Variants in CYGB observed in about 807,000 individuals in gnomAD.
The protein encoded by CYGB is histoglobin.
Under a neutral mutation model 20.7 loss-of-function variants are expected in CYGB, and 13 were observed. That is an observed-to-expected ratio of 0.63 (90% CI 0.41 to 1.00). The LOEUF is 1.00. CYGB is among the 50% of genes least tolerant of loss of function. CYGB has a pLI of 0.00. For synonymous variants in CYGB, 93 were observed against 107.4 expected (o/e 0.87, Z 0.83); for missense variants, 218 against 257.2 (o/e 0.85, Z 1.04).
At position 76,531,767 on chromosome 17, in the gene CYGB, G is replaced by A; in HGVS notation, c.144-76C>T. On this transcript the variant is annotated intron_variant, in intron 1 of 3. Coordinates refer to ENST00000293230, the MANE Select transcript of CYGB (RefSeq NM_134268.5). This position sits in a 1 kb window ranked among gnomAD's most constrained non-coding sequence, Gnocchi z 7.4. ...CACCCTGAAGCTTCCAGGATAGTGG[G>A]GGCTGAAGAAGTGGACCGCAGTGCT... 1.6e-6 allele frequency: 2 copies of A among 1,287,384 alleles called. No individual in the cohort carries two copies. The highest frequency in any genetic ancestry group is 2.2e-6 in the Non-Finnish European group (2 of 922,568). 79.7% of individuals were successfully genotyped at this position (1,287,384 alleles called of 1,614,324 possible). A position where few individuals can be genotyped will look rare whatever the true frequency, so the allele number is the denominator to read the frequency against.
At chr17:76,547,727 TCACA>T (rs574997747) in intron 1 of CYGB, among the ~76,000 whole-genome samples, 1 of 121,532 alleles carries the variant, frequency 8.2e-6, no homozygotes, top group African/African-American at 3.2e-5. Flanking sequence ...ACACATACAT[TCACA>T]CACACACATA....
intron 1 of CYGB, chr17:76,545,151 T>G (rs548868483): frequency 2.2e-6 from 1 of 456,708 alleles, no homozygotes; most frequent in East Asian, 6.9e-5. Flanking sequence ...CGCTCGCCTC[T>G]TATTCCCGGG....
rs1304899256 is a variant in CYGB at position 76,530,042 on chromosome 17, A to G, written c.539+937T>C. 5 of 985,234 alleles carry G rather than the reference A, an allele frequency of 5.1e-6. No individual in the cohort carries two copies. The highest frequency in any genetic ancestry group is 6.0e-6 in the Non-Finnish European group (5 of 829,910). The allele number at this position is 985,234 out of a possible 1,614,324, so 61.0% of individuals were successfully genotyped here. ...TGTGCCTGTGAACAGAAGGGCCGGCAGTCTTGGGGGCCCGTGCAGAGCCCG... is the reference window on the plus strand; with the variant it reads ...TGTGCCTGTGAACAGAAGGGCCGGCGGTCTTGGGGGCCCGTGCAGAGCCCG... On this transcript the variant is annotated intron_variant, in intron 3 of 3. Coordinates refer to ENST00000293230, the MANE Select transcript of CYGB (RefSeq NM_134268.5). The surrounding 1 kb of genome is among the most constrained non-coding windows in gnomAD (Gnocchi z 6.1).
At chr17:76,548,448 G>A (rs2075077685) in intron 1 of CYGB, among the ~76,000 whole-genome samples, 2 of 152,220 alleles carry the variant, frequency 1.3e-5, no homozygotes, top group African/African-American at 2.4e-5. Context: ...TGTCAGGAGT[G>A]ACACTCGAGG....
Position 76,546,064 on chromosome 17 carries a change from C to G in CYGB, c.-53+4798G>C, listed in dbSNP as rs1044041163. On this transcript the variant is annotated intron_variant, in intron 1 of 3. Transcript: ENST00000589145. This position sits in a 1 kb window ranked among gnomAD's most constrained non-coding sequence, Gnocchi z 4.5. Reference sequence around the variant, plus strand: ...TGACCTCGACCTGGACAGCGCCACTCCCAGCTGGCTCTGCTTCCGGAATGA... The same window carrying G: ...TGACCTCGACCTGGACAGCGCCACTGCCAGCTGGCTCTGCTTCCGGAATGA... 4 of 152,598 alleles carry G rather than the reference C, an allele frequency of 2.6e-5. No individual in the cohort carries two copies. Among genetic ancestry groups the G allele is most frequent in the African/African-American group, 9.7e-5 (4 of 41,448 alleles). The allele number at this position is 152,598 out of a possible 1,614,324, so 9.5% of individuals were successfully genotyped here.
At chr17:76,540,376 G>T (rs2074976366), upstream of CYGB, 4 of 1,296,304 alleles carry the variant, frequency 3.1e-6, no homozygotes, top group Non-Finnish European at 4.5e-6. The surrounding 1 kb of genome is among the most constrained non-coding windows in gnomAD (Gnocchi z 5.0). Context: ...CAGAGCAGGG[G>T]GACTTAGAGC....
At chr17:76,538,430 A>AT (rs1598209536), upstream of CYGB, 1 of 455,866 alleles carries the variant, frequency 2.2e-6, no homozygotes, top group East Asian at 7.8e-5. Flanking sequence ...CCTTCCGCCC[A>AT]GCACCTCCAT....
Position 76,527,970 on chromosome 17 carries a change from A to G in CYGB, c.*608T>C. The G allele has an allele frequency of 2.7e-6, 1 of 372,126 alleles. No homozygotes were observed. The highest frequency in any genetic ancestry group is 2.0e-5 in the South Asian group (1 of 51,172). The allele number at this position is 372,126 out of a possible 1,614,324, so 23.1% of individuals were successfully genotyped here. ...CGGGTTGCCCCAGCCCTGCCCCTCCAGGCCCAGGTCCTCTGCGCTGCTGTG... is the reference window on the plus strand; with the variant it reads ...CGGGTTGCCCCAGCCCTGCCCCTCCGGGCCCAGGTCCTCTGCGCTGCTGTG... On this transcript the variant is annotated 3_prime_UTR_variant, in exon 4 of 4. Transcript: ENST00000293230.
At chr17:76,545,707 C>G (rs1283997399) in intron 1 of CYGB, 2 of 274,910 alleles carry the variant, frequency 7.3e-6, no homozygotes, top group Non-Finnish European at 1.4e-5. Context: ...GTATCTGTCT[C>G]TTAGAGTTGT....
Position 76,537,518 on chromosome 17 carries a change from CCAT to C in CYGB, c.22_24del (p.Met8del), listed in dbSNP as rs1489623920. ...TCGCTCCGCTCCCTGCGCTCGATCT[CCAT>C]CTCGCCTGGCACTTTCTCCATGAGC... On this transcript the variant is annotated inframe_deletion, in exon 1 of 4. Coordinates refer to ENST00000293230, the MANE Select transcript of CYGB (RefSeq NM_134268.5). 3 of 1,572,072 alleles carry C rather than the reference CCAT, an allele frequency of 1.9e-6. No individual in the cohort carries two copies. Among genetic ancestry groups the C allele is most frequent in the Non-Finnish European group, 2.6e-6 (3 of 1,161,668 alleles).
intron 1 of CYGB, among the ~76,000 whole-genome samples, chr17:76,536,913 C>T (rs2074921003): frequency 6.6e-6 from 1 of 152,226 alleles, no homozygotes; most frequent in Admixed American, 6.5e-5. Flanking sequence ...TTCTCAACCT[C>T]TGCTCTTTGC....
At chr17:76,540,452 G>A (rs1598211569), upstream of CYGB, 15 of 1,593,570 alleles carry the variant, frequency 9.4e-6, 1 homozygote, top group East Asian at 3.3e-4. This position sits in a 1 kb window ranked among gnomAD's most constrained non-coding sequence, Gnocchi z 5.0. Flanking sequence ...TGGAGGGACA[G>A]TGAGGGGCTG....
At chr17:76,551,062 A>G (rs1489484797) in exon 1 of CYGB, 1 of 152,234 alleles carries the variant, frequency 6.6e-6, no homozygotes, top group Non-Finnish European at 1.5e-5. Flanking sequence ...GTTGCAGACA[A>G]TGTGCTAATC....
At chr17:76,547,705 A>G (rs571508397) in intron 1 of CYGB, among the ~76,000 whole-genome samples, 1 of 151,792 alleles carries the variant, frequency 6.6e-6, no homozygotes, top group African/African-American at 2.4e-5. Context: ...ACACAGACAC[A>G]CACACACAGA....
At position 76,528,949 on chromosome 17, in the gene CYGB, G is replaced by C; in HGVS notation, c.540-338C>G. 1 of 1,086,840 alleles carries C rather than the reference G, an allele frequency of 9.2e-7. No individual in the cohort carries two copies. The highest frequency in any genetic ancestry group is 1.1e-6 in the Non-Finnish European group (1 of 896,274). 67.3% of individuals were successfully genotyped at this position (1,086,840 alleles called of 1,614,324 possible). ...GCTCTTTTTCCATTAATTCTGAAACGTGGCGCATTCTGTCCGGCCTGTCTC... is the reference window on the plus strand; with the variant it reads ...GCTCTTTTTCCATTAATTCTGAAACCTGGCGCATTCTGTCCGGCCTGTCTC... On this transcript the variant is annotated intron_variant, in intron 3 of 3. Coordinates refer to ENST00000293230, the MANE Select transcript of CYGB (RefSeq NM_134268.5). The surrounding 1 kb of genome is among the most constrained non-coding windows in gnomAD (Gnocchi z 5.8).
rs757689823 is a variant in CYGB at position 76,531,716 on chromosome 17, G to A, written c.144-25C>T. The A allele has an allele frequency of 3.8e-6, 6 of 1,561,660 alleles. No individual in the cohort carries two copies. Among genetic ancestry groups the A allele is most frequent in the African/African-American group, 1.4e-5 (1 of 74,048 alleles). ...CCTGGCAAGAGGAACAGGGGTGGTCGCTGAAGCTGGAGGCTGCCTCGGGCC... is the reference window on the plus strand; with the variant it reads ...CCTGGCAAGAGGAACAGGGGTGGTCACTGAAGCTGGAGGCTGCCTCGGGCC... On this transcript the variant is annotated intron_variant, in intron 1 of 3. Coordinates refer to ENST00000293230, the MANE Select transcript of CYGB (RefSeq NM_134268.5). This position sits in a 1 kb window ranked among gnomAD's most constrained non-coding sequence, Gnocchi z 7.4.
At chr17:76,542,677 G>A, upstream of CYGB, 1 of 1,296,360 alleles carries the variant, frequency 7.7e-7, no homozygotes, top group South Asian at 1.2e-5. Context: ...GGCAAGGCTT[G>A]GGACAGGCAG....
chr17:76,538,410 C>T, upstream of CYGB: 1 of 425,688 alleles, frequency 2.3e-6, no homozygotes, highest in South Asian at 1.7e-5. Flanking sequence ...CAGAGGCCTG[C>T]GCCCCCTCTC....
intron 3 of CYGB, chr17:76,529,041 T>TGGGGGGGGGGGGGGGGG: frequency 1.3e-5 from 11 of 834,178 alleles, no homozygotes; most frequent in Admixed American, 2.0e-4. Context: ...CTGCAGTCAT[T>TGGGGGGGGGGGGGGGGG]GCGCCCCCCC....
Sources: allele counts gnomAD v4.1 joint callset (sites outside exome capture counted in the v4.1 genomes callset), GRCh38; gene constraint gnomAD v4.1.1; non-coding constraint Gnocchi (gnomAD v3.1); transcripts MANE v1.5; gene names NCBI Gene and HGNC (gene_info 2026-07-23, HGNC 2026-07-21).